EBF2: variants seen among roughly 807,000 people sequenced by gnomAD.
EBF2 encodes the protein transcription factor COE2.
In EBF2, 21 loss-of-function variants were observed where a neutral mutation model predicts 72.8. The ratio of observed to expected loss-of-function variants is 0.29; its 90% CI spans 0.20 to 0.42. EBF2 has a LOEUF of 0.42. Among genes scored for constraint, EBF2 ranks in the 10% least tolerant of loss-of-function variants. The probability of loss-of-function intolerance (pLI) is 1.00; values close to 1 mark genes in which losing one functional copy is unlikely to be tolerated. For missense variants in EBF2, 637 were observed against 731.2 expected (o/e 0.87, Z 1.49); for synonymous variants, 299 against 274.2 (o/e 1.09, Z -0.89).
intron 7 of EBF2, among the ~76,000 whole-genome samples, chr8:25,891,728 C>T (rs1363674350): frequency 2.0e-5 from 3 of 152,024 alleles, no homozygotes; most frequent in Non-Finnish European, 4.4e-5. Context: ...CAGATGCCTG[C>T]CACCATGCTC....
At chr8:25,969,984 C>T (rs1585211588) in intron 6 of EBF2, among the ~76,000 whole-genome samples, 2 of 152,172 alleles carry the variant, frequency 1.3e-5, no homozygotes, top group East Asian at 3.9e-4. Flanking sequence ...ACTATCCTCA[C>T]CACAGAGTTT....
chr8:26,001,816 T>A lies in EBF2; in HGVS notation c.551+31269A>T, dbSNP rs564107180. On this transcript the variant is annotated intron_variant, in intron 6 of 15. Coordinates refer to ENST00000520164, the MANE Select transcript of EBF2 (RefSeq NM_022659.4). ...TGCCCGCCTCGGCCTCCCAAAGTGC[T>A]AGGATTACAGGTGTGAGCCACCACA... 4.6e-5 allele frequency among the ~76,000 whole-genome samples: 7 copies of A among 152,228 alleles called. No homozygotes were observed. In the South Asian group the frequency reaches 1.5e-3, roughly 32 times the overall value.
chr8:26,036,228 C>A (rs1453728819), intron 5 of EBF2, among the ~76,000 whole-genome samples: 1 of 152,130 alleles, frequency 6.6e-6, no homozygotes, highest in Non-Finnish European at 1.5e-5. Context: ...GGGATTTCCT[C>A]TGGAGGAAAA....
intron 6 of EBF2, among the ~76,000 whole-genome samples, chr8:25,968,989 T>G (rs1804153363): frequency 6.6e-6 from 1 of 152,174 alleles, no homozygotes; most frequent in Non-Finnish European, 1.5e-5. Flanking sequence ...CACAAATAAT[T>G]TTTTTAAAAA....
At position 26,044,523 on chromosome 8, in the gene EBF2, A is replaced by T. The variant is rs945308833; in HGVS notation, c.131+206T>A. On this transcript the variant is annotated intron_variant, in intron 1 of 15. Coordinates refer to ENST00000520164, the MANE Select transcript of EBF2 (RefSeq NM_022659.4). This position sits in a 1 kb window ranked among gnomAD's most constrained non-coding sequence, Gnocchi z 4.1. ...GAAACGCCTACGACCCAGGCAGTTC[A>T]GGAACTCGAGTGCCGGCTGCCGGGT... Among the ~76,000 whole-genome samples, 2 of 152,230 alleles carry T rather than the reference A, an allele frequency of 1.3e-5. No homozygotes were observed. The highest frequency in any genetic ancestry group is 4.8e-5 in the African/African-American group (2 of 41,466).
intron 10 of EBF2, among the ~76,000 whole-genome samples, chr8:25,869,135 A>G (rs996096450): frequency 7.9e-5 from 12 of 152,200 alleles, no homozygotes; most frequent in Non-Finnish European, 1.6e-4. Context: ...CATTGATTCA[A>G]TTCTCCTGCA....
intron 6 of EBF2, among the ~76,000 whole-genome samples, chr8:26,018,281 A>G (rs1805145859): frequency 6.6e-6 from 1 of 151,396 alleles, no homozygotes; most frequent in South Asian, 2.1e-4. Flanking sequence ...GACAGAAAAA[A>G]AAGACAGACA....
intron 5 of EBF2, among the ~76,000 whole-genome samples, chr8:26,036,869 C>T (rs1053021783): frequency 4.6e-5 from 7 of 151,328 alleles, no homozygotes; most frequent in African/African-American, 1.5e-4. Flanking sequence ...TAAGTGTTTT[C>T]TAAAACTAAA....
chr8:25,933,774 A>T (rs1803525482), intron 6 of EBF2, among the ~76,000 whole-genome samples: 1 of 152,168 alleles, frequency 6.6e-6, no homozygotes, highest in Non-Finnish European at 1.5e-5. Flanking sequence ...ATACCAAGAG[A>T]TAGTCTAGTA....
In EBF2 at chr8:25,875,783, C is replaced by T. The variant is rs77457646; in HGVS notation, c.1009+10972G>A. ...AGCCTCATAAGCAGAACTTAGGCCT[C>T]ACAAACTCATTTCTTTGTTTAAAAT... On this transcript the variant is annotated intron_variant, in intron 10 of 15. Coordinates refer to ENST00000520164, the MANE Select transcript of EBF2 (RefSeq NM_022659.4). 6.1e-3 allele frequency among the ~76,000 whole-genome samples: 936 copies of T among 152,314 alleles called. 12 individuals are homozygous for T. The highest frequency in any genetic ancestry group is 0.021 in the African/African-American group (869 of 41,574).
intron 10 of EBF2, 114 bp from the exon 11 acceptor site, chr8:25,862,911 T>TTTTTTGCTGATTTTTTGCTGA: frequency 1.8e-6 from 1 of 569,750 alleles, no homozygotes; most frequent in East Asian, 3.4e-5. Context: ...ATGTAATCAG[T>TTTTTTGCTGATTTTTTGCTGA]TAGGGTTTTT....
intron 6 of EBF2, among the ~76,000 whole-genome samples, chr8:26,019,086 G>T (rs1389926606): frequency 1.3e-5 from 2 of 152,166 alleles, no homozygotes; most frequent in African/African-American, 4.8e-5. Context: ...CCCTGGGTCA[G>T]GCTTTCTGCC....
At position 25,886,768 on chromosome 8, in the gene EBF2, C is replaced by A. The variant is rs557856249; in HGVS notation, c.996G>T (p.Arg332Ser). The A allele has an allele frequency of 1.7e-5, 28 of 1,609,170 alleles. No homozygotes were observed. In the South Asian group the frequency reaches 2.5e-4, roughly 14 times the overall value. Residue 332 changes from arginine (R) to serine (S), a missense_variant, in exon 10 of 16, where the codon AGG (arginine) becomes AGT (serine). Arg to Ser is a moderately radical substitution (Grantham distance 110). This residue lies in a region of EBF2 where 204 missense variants were observed against 301.2 expected (regional missense o/e 0.68). Coordinates refer to ENST00000520164, the MANE Select transcript of EBF2 (RefSeq NM_022659.4). ...TTTCTCACCTACCTGTGTAAATGAACCTTCCTGGGGCTCCTTTGCAGAACT... is the reference window on the plus strand; with the variant it reads ...TTTCTCACCTACCTGTGTAAATGAAACTTCCTGGGGCTCCTTTGCAGAACT... ...SKQFCKGAPG[R>S]FIYTALNEPT...
intron 5 of EBF2, among the ~76,000 whole-genome samples, chr8:26,034,503 G>A (rs957096484): frequency 6.6e-6 from 1 of 152,174 alleles, no homozygotes; most frequent in Admixed American, 6.5e-5. Context: ...TGAGAGGGGT[G>A]CAAAACACTC....
At chr8:25,976,985 T>C (rs1804278742) in intron 6 of EBF2, among the ~76,000 whole-genome samples, 1 of 152,230 alleles carries the variant, frequency 6.6e-6, no homozygotes, top group African/African-American at 2.4e-5. Flanking sequence ...TACCCAGCTG[T>C]AAGTGATTCC....
intron 10 of EBF2, among the ~76,000 whole-genome samples, chr8:25,884,906 A>G (rs984265536): frequency 1.3e-5 from 2 of 152,190 alleles, no homozygotes; most frequent in Admixed American, 6.5e-5. Context: ...TAACAAGAGT[A>G]GGAATCAGAG....
intron 6 of EBF2, among the ~76,000 whole-genome samples, chr8:25,917,560 A>C (rs2117130741): frequency 6.6e-6 from 1 of 152,352 alleles, no homozygotes; most frequent in Non-Finnish European, 1.5e-5. Context: ...AAGAAAAAAG[A>C]ACTCAGCAAA....
chr8:25,869,424 G>A (rs150629092), intron 10 of EBF2, among the ~76,000 whole-genome samples: 88 of 152,188 alleles, frequency 5.8e-4, no homozygotes, highest in African/African-American at 2.0e-3. Context: ...GCTGGAATTC[G>A]CATGTCCACC....
chr8:25,977,775 T>G (rs530283885), intron 6 of EBF2, among the ~76,000 whole-genome samples: 1 of 152,264 alleles, frequency 6.6e-6, no homozygotes, highest in South Asian at 2.1e-4. Flanking sequence ...CTATGACACG[T>G]GTCAAAGACA....
Sources: gnomAD v4.1 joint callset for allele counts (sites outside exome capture counted in the v4.1 genomes callset) on GRCh38, gnomAD v4.1.1 for gene constraint, gnomAD v4.1.1 regional missense constraint, Gnocchi (gnomAD v3.1) non-coding constraint, MANE v1.5 for transcripts, NCBI Gene and HGNC (gene_info 2026-07-23, HGNC 2026-07-21) for gene names.